Variants in AVEN observed in about 807,000 individuals in gnomAD.
The protein encoded by AVEN is cell death regulator Aven.
AVEN carries 41 observed loss-of-function variants against 38.1 expected under a neutral mutation model. That is an observed-to-expected ratio of 1.08 (90% confidence interval 0.84 to 1.40). AVEN has a LOEUF of 1.40. Among genes scored for constraint, AVEN ranks in the 40% most tolerant of loss-of-function variants. The pLI is 0.00. For synonymous variants in AVEN, 206 were observed against 171.8 expected (o/e 1.20, Z -1.56); for missense variants, 605 against 438.8 (o/e 1.38, Z -3.38).
Position 34,032,184 on chromosome 15 carries a change from A to G in AVEN, c.267+6596T>C, listed in dbSNP as rs1168709814. Among the ~76,000 whole-genome samples, 5 of 152,204 alleles carry G rather than the reference A, an allele frequency of 3.3e-5. No homozygotes were observed. In the East Asian group the frequency reaches 7.7e-4, roughly 23 times the overall value. ...CTTTGATACTTCAAAGTGCATCAAG[A>G]AATAGTGACATCTGAATAGAAAACA... On this transcript the variant is annotated intron_variant, in intron 1 of 5. Coordinates refer to ENST00000306730, the MANE Select transcript of AVEN (RefSeq NM_020371.3).
chr15:33,893,168 G>C (rs548109865), intron 2 of AVEN, among the ~76,000 whole-genome samples: 48 of 152,286 alleles, frequency 3.2e-4, no homozygotes, highest in African/African-American at 1.1e-3. Flanking sequence ...TCTGCAAACA[G>C]GGACAATTTG....
At chr15:33,862,200 TGTAGCTTAGAGA>T (rs1270632943), downstream of AVEN, among the ~76,000 whole-genome samples, 1 of 151,918 alleles carries the variant, frequency 6.6e-6, no homozygotes, top group Non-Finnish European at 1.5e-5. Context: ...CTCTCTATTT[TGTAGCTTAGAGA>T]GTCCTCATCT....
intron 2 of AVEN, among the ~76,000 whole-genome samples, chr15:33,965,305 C>T (rs1294855746): frequency 2.0e-5 from 3 of 152,094 alleles, no homozygotes; most frequent in Admixed American, 1.3e-4. Context: ...TAAAATGCAA[C>T]TTTTTCTCTT....
At chr15:33,956,310 CCTT>C (rs1372836952) in intron 2 of AVEN, among the ~76,000 whole-genome samples, 1 of 152,190 alleles carries the variant, frequency 6.6e-6, no homozygotes, top group Non-Finnish European at 1.5e-5. Flanking sequence ...CTTGAAATGC[CCTT>C]CTTCTCCAAC....
chr15:34,034,927 T>C lies in AVEN; in HGVS notation c.267+3853A>G, dbSNP rs564671753. ...AAAGTCTAGAGGCTGTCATTTCAGT[T>C]TGAGCTTTTAACAGGCTCTCAGTCT... On this transcript the variant is annotated intron_variant, in intron 1 of 5. Coordinates refer to ENST00000306730, the MANE Select transcript of AVEN (RefSeq NM_020371.3). 4.6e-5 allele frequency among the ~76,000 whole-genome samples: 7 copies of C among 152,362 alleles called. No individual in the cohort carries two copies. The South Asian group carries it at 1.2e-3, about 27-fold the overall frequency.
At chr15:33,907,011 T>C (rs1173315799) in intron 2 of AVEN, among the ~76,000 whole-genome samples, 2 of 152,182 alleles carry the variant, frequency 1.3e-5, no homozygotes, top group African/African-American at 2.4e-5. Flanking sequence ...CAATGAGTGG[T>C]AGAACAAGGA....
intron 2 of AVEN, among the ~76,000 whole-genome samples, chr15:33,882,591 G>T (rs1437321095): frequency 1.3e-5 from 2 of 152,080 alleles, no homozygotes; most frequent in Admixed American, 1.3e-4. Context: ...AAGGCTGGGT[G>T]TACAGTGGCT....
At chr15:34,073,207 ATTTTT>A (rs761265891) in intron 1 of AVEN, among the ~76,000 whole-genome samples, 3 of 111,872 alleles carry the variant, frequency 2.7e-5, no homozygotes, top group African/African-American at 7.6e-5. Flanking sequence ...CGCCCGGCTA[ATTTTT>A]TTTTTTTTTT....
At chr15:33,897,868 ACT>A (rs1350146768) in intron 2 of AVEN, among the ~76,000 whole-genome samples, 1 of 147,724 alleles carries the variant, frequency 6.8e-6, no homozygotes, top group Non-Finnish European at 1.5e-5. Flanking sequence ...GGTGACAAAG[ACT>A]CTGTATCTAA....
chr15:33,937,024 G>A (rs529345311), intron 2 of AVEN, among the ~76,000 whole-genome samples: 184 of 151,442 alleles, frequency 1.2e-3, no homozygotes, highest in African/African-American at 4.3e-3. Context: ...CCAGCCACTC[G>A]GGAGGCTGAG....
At chr15:33,973,315 T>C (rs531143121) in intron 2 of AVEN, among the ~76,000 whole-genome samples, 1 of 152,350 alleles carries the variant, frequency 6.6e-6, no homozygotes, top group East Asian at 1.9e-4. Context: ...TAGAATTTTT[T>C]GGTACAGTAA....
chr15:33,860,129 G>C (rs2153014862), intron 11 of AVEN, among the ~76,000 whole-genome samples: 1 of 152,256 alleles, frequency 6.6e-6, no homozygotes, highest in Middle Eastern at 3.4e-3. Flanking sequence ...TTAGTCAACA[G>C]CTTGTCAAGA....
intron 1 of AVEN, among the ~76,000 whole-genome samples, chr15:34,017,255 A>G (rs1046429409): frequency 1.3e-5 from 2 of 152,114 alleles, no homozygotes; most frequent in Non-Finnish European, 2.9e-5. Flanking sequence ...CTGAGCTCTC[A>G]TACAAAATGA....
At chr15:34,062,684 C>G (rs756324643) in intron 5 of AVEN, 1 of 1,576,692 alleles carries the variant, frequency 6.3e-7, no homozygotes, top group South Asian at 1.2e-5. Flanking sequence ...AGCCTAGAAC[C>G]TAACACTATT....
At chr15:34,049,019 A>G (rs1050117517) in intron 5 of AVEN, among the ~76,000 whole-genome samples, 1 of 152,322 alleles carries the variant, frequency 6.6e-6, no homozygotes, top group African/African-American at 2.4e-5. Context: ...AACAACATCA[A>G]CAGAAAAGAC....
chr15:33,999,053 G>T (rs1313514870), intron 2 of AVEN, among the ~76,000 whole-genome samples: 1 of 152,206 alleles, frequency 6.6e-6, no homozygotes, highest in Non-Finnish European at 1.5e-5. Flanking sequence ...ATGTGCCAAT[G>T]CAGATTTATC....
intron 1 of AVEN, 122 bp downstream of exon 1, chr15:34,038,658 G>GCCGGCA (rs1899284029): frequency 3.1e-6 from 3 of 960,688 alleles, no homozygotes; most frequent in Admixed American, 1.1e-4. Flanking sequence ...CCGCGCAGGC[G>GCCGGCA]CCGGCGCCGC....
At chr15:33,947,652 TATAAC>T (rs1398952250) in intron 2 of AVEN, among the ~76,000 whole-genome samples, 1 of 152,212 alleles carries the variant, frequency 6.6e-6, no homozygotes, top group Non-Finnish European at 1.5e-5. Flanking sequence ...TAATAATTAA[TATAAC>T]ATAAATGCTA....
chr15:33,964,180 A>T (rs1175213104), intron 2 of AVEN, among the ~76,000 whole-genome samples: 1 of 152,046 alleles, frequency 6.6e-6, no homozygotes, highest in Non-Finnish European at 1.5e-5. Context: ...TTTCACAAAT[A>T]CTTAATGAGG....
Sources: gnomAD v4.1 joint callset for allele counts (sites outside exome capture counted in the v4.1 genomes callset) on GRCh38, gnomAD v4.1.1 for gene constraint, MANE v1.5 for transcripts, NCBI Gene and HGNC (gene_info 2026-07-23, HGNC 2026-07-21) for gene names.